The following CACNA1E variants were observed in gnomAD, a reference collection of about 807,000 sequenced individuals.
CACNA1E encodes the protein calcium voltage-gated channel subunit alpha1 E.
In CACNA1E, 40 loss-of-function variants were observed where a neutral mutation model predicts 259.2. The observed-to-expected ratio is 0.15, with a 90% CI of 0.12 to 0.20. The LOEUF is 0.20. CACNA1E is among the 10% of genes least tolerant of loss of function. The probability of loss-of-function intolerance (pLI) is 1.00; values close to 1 mark genes in which losing one functional copy is unlikely to be tolerated. For synonymous variants in CACNA1E, 1,104 were observed against 1,138.5 expected, an observed-to-expected ratio of 0.97 and a Z score of 0.61; for missense variants, 1,874 against 3,040.1, an observed-to-expected ratio of 0.62 and a Z score of 9.02.
intron 1 of CACNA1E, among the ~76,000 whole-genome samples, chr1:181,392,954 G>T (rs1431025716): frequency 6.6e-6 from 1 of 152,232 alleles, no homozygotes; most frequent in Non-Finnish European, 1.5e-5. Flanking sequence ...TGTAGGGCTG[G>T]TTCTTCAGGG....
At chr1:181,499,058 T>C (rs1216514299) in intron 1 of CACNA1E, among the ~76,000 whole-genome samples, 1 of 152,256 alleles carries the variant, frequency 6.6e-6, no homozygotes, top group Non-Finnish European at 1.5e-5. Flanking sequence ...TTAATATTCT[T>C]CTTTCCCAAA....
chr1:181,457,339 C>G (rs1380577422), intron 2 of CACNA1E, among the ~76,000 whole-genome samples: 3 of 152,224 alleles, frequency 2.0e-5, no homozygotes, highest in Non-Finnish European at 4.4e-5. Context: ...AGGATTTCAA[C>G]ATATGAATTT....
intron 8 of CACNA1E, among the ~76,000 whole-genome samples, chr1:181,714,470 A>G (rs1181824007): frequency 1.3e-5 from 2 of 152,096 alleles, no homozygotes; most frequent in South Asian, 2.1e-4. Context: ...ATCATTACAT[A>G]GGCATGCTCG....
intron 7 of CACNA1E, among the ~76,000 whole-genome samples, chr1:181,671,647 C>T (rs1648807330): frequency 6.6e-6 from 1 of 152,174 alleles, no homozygotes; most frequent in Non-Finnish European, 1.5e-5. Flanking sequence ...CACTATTTCC[C>T]TACAGGAGAA....
intron 6 of CACNA1E, among the ~76,000 whole-genome samples, chr1:181,629,921 G>A (rs1485644676): frequency 6.6e-6 from 1 of 152,166 alleles, no homozygotes; most frequent in Non-Finnish European, 1.5e-5. Flanking sequence ...ACTTTAATGA[G>A]TTTAGATCTA....
intron 6 of CACNA1E, among the ~76,000 whole-genome samples, chr1:181,617,596 G>T (rs1655340595): frequency 6.6e-6 from 1 of 152,170 alleles, no homozygotes; most frequent in Non-Finnish European, 1.5e-5. Context: ...AAGAACTTCT[G>T]CTTTCCTTCT....
At chr1:181,724,558 A>C (rs1654713418) in intron 17 of CACNA1E, 21 bp downstream of exon 17, 1 of 1,598,496 alleles carries the variant, frequency 6.3e-7, no homozygotes, top group Non-Finnish European at 8.6e-7. Context: ...TTTTCTGGGG[A>C]TCTGATGTTT....
chr1:181,645,246 T>C (rs1214766532), intron 6 of CACNA1E, among the ~76,000 whole-genome samples: 1 of 152,142 alleles, frequency 6.6e-6, no homozygotes, highest in African/African-American at 2.4e-5. Context: ...GGGGATAGTG[T>C]GCCTAGGAAG....
intron 3 of CACNA1E, among the ~76,000 whole-genome samples, chr1:181,548,838 T>G (rs577935375): frequency 1.3e-5 from 2 of 152,364 alleles, no homozygotes; most frequent in African/African-American, 2.4e-5. Flanking sequence ...CCATCATGTT[T>G]AGTTGGCTAA....
chr1:181,625,021 T>G (rs1280517385), intron 6 of CACNA1E, among the ~76,000 whole-genome samples: 2 of 150,182 alleles, frequency 1.3e-5, no homozygotes, highest in Non-Finnish European at 3.0e-5. Flanking sequence ...GATGACCAAG[T>G]GCATTATCAG....
intron 3 of CACNA1E, among the ~76,000 whole-genome samples, chr1:181,553,835 C>A (rs1558120561): frequency 1.3e-5 from 2 of 152,170 alleles, no homozygotes; most frequent in African/African-American, 2.4e-5. Flanking sequence ...ACCAGCCTGG[C>A]ATCCCAGGGA....
At chr1:181,439,874 A>G (rs1030436213) in intron 2 of CACNA1E, among the ~76,000 whole-genome samples, 4 of 152,204 alleles carry the variant, frequency 2.6e-5, no homozygotes. Flanking sequence ...AGTTAATCCA[A>G]TCGCAAAAAC....
intron 7 of CACNA1E, among the ~76,000 whole-genome samples, chr1:181,703,284 C>A (rs1285412928): frequency 6.6e-6 from 1 of 152,160 alleles, no homozygotes; most frequent in Non-Finnish European, 1.5e-5. Flanking sequence ...CTATACCTTG[C>A]ACATTCTATC....
chr1:181,378,119 T>C (rs1419272502), intron 1 of CACNA1E, among the ~76,000 whole-genome samples: 1 of 152,206 alleles, frequency 6.6e-6, no homozygotes, highest in African/African-American at 2.4e-5. Flanking sequence ...TGTTGTGGGA[T>C]TTGAGACCAC....
At chr1:181,342,804 A>T (rs192028055) in intron 1 of CACNA1E, among the ~76,000 whole-genome samples, 1 of 152,172 alleles carries the variant, frequency 6.6e-6, no homozygotes, top group Non-Finnish European at 1.5e-5. Context: ...TCGGGGTAGA[A>T]CTGGTGATGT....
At position 181,717,813 on chromosome 1, in the gene CACNA1E, A is replaced by C. The variant is rs113114637; in HGVS notation, c.1526-242A>C. Among the ~76,000 whole-genome samples the C allele has an allele frequency of 7.9e-4, 121 of 152,292 alleles. No individual in the cohort carries two copies. The Middle Eastern group carries it at 0.01, about 13-fold the overall frequency. ...CCCCTGAGGGCCCTCTACCATATAAAGACCAGTGACAGGCCTACCTATTGA... is the reference window on the plus strand; with the variant it reads ...CCCCTGAGGGCCCTCTACCATATAACGACCAGTGACAGGCCTACCTATTGA... On this transcript the variant is annotated intron_variant, in intron 11 of 47. Transcript: ENST00000367573.
At chr1:181,570,196 GC>G (rs1467934586) in intron 3 of CACNA1E, among the ~76,000 whole-genome samples, 3 of 150,514 alleles carry the variant, frequency 2.0e-5, no homozygotes, top group Non-Finnish European at 4.4e-5. Flanking sequence ...TCCTCATTCA[GC>G]TTCCCCAGTG....
At chr1:181,636,419 C>T (rs974385472) in intron 6 of CACNA1E, among the ~76,000 whole-genome samples, 7 of 152,172 alleles carry the variant, frequency 4.6e-5, no homozygotes, top group African/African-American at 1.7e-4. Flanking sequence ...TACTCCAAAA[C>T]ACGTTGACTC....
At chr1:181,633,810 G>A (rs1033501275) in intron 6 of CACNA1E, among the ~76,000 whole-genome samples, 4 of 152,140 alleles carry the variant, frequency 2.6e-5, no homozygotes. Flanking sequence ...TACTTCACAT[G>A]TAATTTTCAA....
Sources: allele counts gnomAD v4.1 joint callset (sites outside exome capture counted in the v4.1 genomes callset), GRCh38; gene constraint gnomAD v4.1.1; transcripts MANE v1.5; gene names NCBI Gene and HGNC (gene_info 2026-07-23, HGNC 2026-07-21).